The following FARP1 variants were observed in gnomAD, a reference collection of about 807,000 sequenced individuals.
FARP1 encodes FERM, ARHGEF and pleckstrin domain-containing protein 1.
In FARP1, 52 loss-of-function variants were observed where a neutral mutation model predicts 128.8. The observed-to-expected ratio is 0.40, with a 90% CI of 0.32 to 0.51. The LOEUF (loss-of-function observed/expected upper bound fraction) is 0.51. Ranked by LOEUF, FARP1 falls within the 20% of genes least tolerant of loss-of-function variation. FARP1 has a pLI of 0.45. For synonymous variants in FARP1, 580 were observed against 551.8 expected, an observed-to-expected ratio of 1.05 and a Z score of -0.72; for missense variants, 1,333 against 1,367.9, an observed-to-expected ratio of 0.97 and a Z score of 0.40.
intron 2 of FARP1, among the ~76,000 whole-genome samples, chr13:98,241,419 A>G (rs1405994114): frequency 6.6e-6 from 1 of 152,192 alleles, no homozygotes; most frequent in Admixed American, 6.5e-5. Flanking sequence ...CAACAGGCAC[A>G]TGGAAGAGAC....
At chr13:98,272,024 A>G (rs896129683) in intron 2 of FARP1, among the ~76,000 whole-genome samples, 1 of 150,578 alleles carries the variant, frequency 6.6e-6, no homozygotes, top group African/African-American at 2.5e-5. Context: ...GTCTCAAAAT[A>G]CATTTTTTTT....
chr13:98,334,873 G>C (rs1178769591), intron 2 of FARP1, among the ~76,000 whole-genome samples: 1 of 152,196 alleles, frequency 6.6e-6, no homozygotes, highest in Admixed American at 6.5e-5. Context: ...CTCGTACCTT[G>C]AGTGTAGACT....
intron 18 of FARP1, 100 bp downstream of exon 18, chr13:98,431,380 G>A: frequency 1.4e-6 from 1 of 722,616 alleles, no homozygotes; most frequent in Non-Finnish European, 2.2e-6. Context: ...CGGGGAGAGA[G>A]GTCAGCTGAT....
intron 1 of FARP1, among the ~76,000 whole-genome samples, chr13:98,206,037 T>C (rs1406231943): frequency 6.6e-6 from 1 of 152,226 alleles, no homozygotes; most frequent in African/African-American, 2.4e-5. Flanking sequence ...ATTTTTCTTT[T>C]TTCTTGCAGC....
At chr13:98,161,793 C>G (rs907010695) in intron 1 of FARP1, among the ~76,000 whole-genome samples, 1 of 151,808 alleles carries the variant, frequency 6.6e-6, no homozygotes, top group African/African-American at 2.4e-5. Flanking sequence ...TTCTCCCTTT[C>G]TTTCGAGGCA....
At chr13:98,218,142 G>A (rs11618979) in intron 2 of FARP1, among the ~76,000 whole-genome samples, 43,930 of 128,018 alleles carry the variant, frequency 0.34, 7,146 homozygotes, top group Middle Eastern at 0.5. Context: ...CCACATCCTC[G>A]CCCCACATCC....
chr13:98,417,820 T>C (rs1195321300), intron 16 of FARP1, among the ~76,000 whole-genome samples: 1 of 152,186 alleles, frequency 6.6e-6, no homozygotes, highest in Non-Finnish European at 1.5e-5. Context: ...ATGGAGCATC[T>C]TTATAGAAGC....
chr13:98,383,955 C>T (rs1394401119), intron 6 of FARP1: 2 of 152,186 alleles, frequency 1.3e-5, no homozygotes, highest in East Asian at 1.9e-4. Context: ...CACCCACTGA[C>T]GTTCCTCTTT....
intron 3 of FARP1, among the ~76,000 whole-genome samples, chr13:98,359,158 G>T (rs1407489963): frequency 1.3e-5 from 2 of 152,158 alleles, no homozygotes; most frequent in African/African-American, 4.8e-5. Flanking sequence ...GATTCAGCCG[G>T]ACTTGATGTC....
chr13:98,238,752 A>G (rs1163555823), intron 2 of FARP1, among the ~76,000 whole-genome samples: 1 of 152,176 alleles, frequency 6.6e-6, no homozygotes, highest in African/African-American at 2.4e-5. Flanking sequence ...GGGAACTACA[A>G]TTCGAGATGA....
At chr13:98,275,445 G>A (rs1412692405) in intron 2 of FARP1, among the ~76,000 whole-genome samples, 2 of 151,116 alleles carry the variant, frequency 1.3e-5, no homozygotes, top group East Asian at 3.9e-4. Flanking sequence ...GATGATTGTT[G>A]AAGTTAGGTA....
chr13:98,199,533 T>C (rs1419367991), intron 1 of FARP1, among the ~76,000 whole-genome samples: 3 of 152,194 alleles, frequency 2.0e-5, no homozygotes, highest in African/African-American at 7.2e-5. Flanking sequence ...ACTTTGAACA[T>C]TGGGTTTGTT....
chr13:98,390,524 A>C (rs1206676603), intron 10 of FARP1: 1 of 444,858 alleles, frequency 2.2e-6, no homozygotes, highest in Non-Finnish European at 4.0e-6. Context: ...CCCTGCCTTC[A>C]CTAAAGGCAC....
intron 1 of FARP1, among the ~76,000 whole-genome samples, chr13:98,211,857 G>T (rs577271446): frequency 6.6e-6 from 1 of 152,342 alleles, no homozygotes; most frequent in South Asian, 2.1e-4. Context: ...TAAGCAGCCA[G>T]TATTGACCTC....
intron 2 of FARP1, among the ~76,000 whole-genome samples, chr13:98,301,112 T>C (rs1180476530): frequency 6.6e-6 from 1 of 152,202 alleles, no homozygotes; most frequent in East Asian, 1.9e-4. Context: ...CTGATCATCC[T>C]ACAAGGCATA....
chr13:98,381,714 C>A (rs949709006), intron 6 of FARP1: 3 of 152,170 alleles, frequency 2.0e-5, no homozygotes, highest in Admixed American at 6.5e-5. Flanking sequence ...CACGCCTGTC[C>A]TCTGGGGAAG....
chr13:98,308,351 C>G (rs954509967), intron 2 of FARP1, among the ~76,000 whole-genome samples: 3 of 152,106 alleles, frequency 2.0e-5, no homozygotes, highest in African/African-American at 7.2e-5. Flanking sequence ...GCCTGAGTGC[C>G]AGGGTTATGA....
In FARP1 at chr13:98,319,474, G is replaced by T. The variant is rs1443403882; in HGVS notation, c.172-24288G>T. ...TCTCTATTAAAAATACAAAAAATTAGCCAGGCGTGGTAGCAGGCACCTGTA... is the reference window on the plus strand; with the variant it reads ...TCTCTATTAAAAATACAAAAAATTATCCAGGCGTGGTAGCAGGCACCTGTA... On this transcript the variant is annotated intron_variant, in intron 2 of 26. Coordinates refer to ENST00000319562, the MANE Select transcript of FARP1 (RefSeq NM_005766.4). Among the ~76,000 whole-genome samples the T allele has an allele frequency of 7.2e-5, 11 of 152,212 alleles. No homozygotes were observed. In the East Asian group the frequency reaches 1.4e-3, roughly 19 times the overall value.
intron 18 of FARP1, chr13:98,432,260 G>A (rs75197810): frequency 0.035 from 5,400 of 152,412 alleles, 154 homozygotes; most frequent in East Asian, 0.15. Context: ...CAGGTGCTGT[G>A]TACCTGATAC....
Sources: allele counts gnomAD v4.1 joint callset (sites outside exome capture counted in the v4.1 genomes callset), GRCh38; gene constraint gnomAD v4.1.1; transcripts MANE v1.5; gene names NCBI Gene and HGNC (gene_info 2026-07-23, HGNC 2026-07-21).